Variants in TNFSF11 observed in about 807,000 individuals in gnomAD.
The protein encoded by TNFSF11 is TNF superfamily member 11, also known as tumor necrosis factor ligand superfamily member 11.
Under a neutral mutation model 32.2 loss-of-function variants are expected in TNFSF11, and 12 were observed. That is an observed-to-expected ratio of 0.37 (90% CI 0.24 to 0.60). The LOEUF is 0.60. Among genes scored for constraint, TNFSF11 ranks in the 20% least tolerant of loss-of-function variants. The probability of loss-of-function intolerance (pLI) is 0.66; values close to 1 mark genes in which losing one functional copy is unlikely to be tolerated. For missense variants in TNFSF11, 345 were observed against 398.0 expected, an observed-to-expected ratio of 0.87 and a Z score of 1.13; for synonymous variants, 172 against 152.1, an observed-to-expected ratio of 1.13 and a Z score of -0.96.
At chr13:42,588,642 C>T (rs1874016600) in intron 2 of TNFSF11, among the ~76,000 whole-genome samples, 1 of 152,074 alleles carries the variant, frequency 6.6e-6, no homozygotes, top group Non-Finnish European at 1.5e-5. Context: ...TTCCAAACCT[C>T]CTGGATCTTA....
chr13:42,602,722 A>T (rs2137908866), intron 4 of TNFSF11, among the ~76,000 whole-genome samples: 1 of 152,348 alleles, frequency 6.6e-6, no homozygotes, highest in South Asian at 2.1e-4. Flanking sequence ...CTGAGTGGAA[A>T]ACTATTTTGC....
chr13:42,565,721 T>A (rs1282506309), intron 1 of TNFSF11, among the ~76,000 whole-genome samples: 1 of 148,260 alleles, frequency 6.7e-6, no homozygotes, highest in Non-Finnish European at 1.5e-5. Context: ...GCCTGGACTT[T>A]ATCTTAAGTG....
intron 2 of TNFSF11, among the ~76,000 whole-genome samples, chr13:42,588,912 C>A (rs1156970499): frequency 6.6e-6 from 1 of 152,134 alleles, no homozygotes. Context: ...GATGACCAGA[C>A]AACAAATGCT....
intron 1 of TNFSF11, 23 bp downstream of exon 1, chr13:42,574,545 G>A (rs762342459): frequency 6.2e-7 from 1 of 1,600,160 alleles, no homozygotes; most frequent in African/African-American, 1.3e-5. Flanking sequence ...CTTCCCAGGG[G>A]ATCGCGGCTG....
chr13:42,607,426 C>G lies in TNFSF11; in HGVS notation c.*508C>G, dbSNP rs935103395. 1 of 153,108 alleles carries G rather than the reference C, an allele frequency of 6.5e-6. No homozygotes were observed. Among genetic ancestry groups the G allele is most frequent in the African/African-American group, 2.4e-5 (1 of 41,386 alleles). 9.5% of individuals were successfully genotyped at this position (153,108 alleles called of 1,614,324 possible). A position where few individuals can be genotyped will look rare whatever the true frequency, so the allele number is the denominator to read the frequency against. On this transcript the variant is annotated 3_prime_UTR_variant, in exon 5 of 5. Transcript: ENST00000398795. ...TATTTCAGATGTAATGTTTTCTTTGCAAAGTATTGTAAATTATATTTGTGC... is the reference window on the plus strand; with the variant it reads ...TATTTCAGATGTAATGTTTTCTTTGGAAAGTATTGTAAATTATATTTGTGC...
chr13:42,585,088 C>G (rs1398524399), intron 2 of TNFSF11, among the ~76,000 whole-genome samples: 1 of 152,222 alleles, frequency 6.6e-6, no homozygotes, highest in African/African-American at 2.4e-5. Context: ...TTCTCTTACT[C>G]TATTCAGATA....
chr13:42,598,673 A>G (rs894173606), intron 2 of TNFSF11, among the ~76,000 whole-genome samples: 1 of 152,234 alleles, frequency 6.6e-6, no homozygotes, highest in Non-Finnish European at 1.5e-5. Context: ...TAAGGGGCCC[A>G]ATGGCTGGGA....
rs769261349 is a variant in TNFSF11, at chr13:42,606,755, G to T, written c.791G>T (p.Trp264Leu). The change falls in exon 5 of 5, where the codon TGG (tryptophan) becomes TTG (leucine). Residue 264 changes from tryptophan (W) to leucine (L), a missense_variant. Transcript: ENST00000398795. ...TLMKGGSTKY[W>L]SGNSEFHFYS... ...ATGAAAGGAGGAAGCACCAAGTATT[G>T]GTCAGGGAATTCTGAATTCCATTTT... 7.4e-6 allele frequency: 12 copies of T among 1,614,126 alleles called. No homozygotes were observed. Among genetic ancestry groups the T allele is most frequent in the Non-Finnish European group, 1.0e-5 (12 of 1,180,014 alleles).
chr13:42,589,039 C>T (rs1274643174), intron 2 of TNFSF11, among the ~76,000 whole-genome samples: 4 of 152,274 alleles, frequency 2.6e-5, no homozygotes, highest in East Asian at 1.9e-4. Context: ...TAGGTAGCGG[C>T]GGCGGTGGTG....
intron 4 of TNFSF11, among the ~76,000 whole-genome samples, chr13:42,604,731 AACCAG>A (rs1446027102): frequency 4.6e-5 from 7 of 152,178 alleles, no homozygotes; most frequent in African/African-American, 1.7e-4. Flanking sequence ...AGGCCCACCA[AACCAG>A]ACTAGGCTGG....
chr13:42,574,498 C>T lies in TNFSF11; in HGVS notation c.195C>T (p.Ala65=). ...LGLGQVVCSV[A]LFFYFRAQMD... ...TGGGCCAGGTTGTCTGCAGCGTCGC[C>T]CTGTTCTTCTATTTCAGAGCGCAGG... is the stretch of plus-strand genomic sequence containing the variant. Residue 65 remains alanine, a synonymous_variant, in exon 1 of 5, where the codon GCC becomes GCT. Coordinates refer to ENST00000398795, the MANE Select transcript of TNFSF11 (RefSeq NM_003701.4). 1 of 1,609,098 alleles carries T rather than the reference C, an allele frequency of 6.2e-7. No individual in the cohort carries two copies.
intron 2 of TNFSF11, among the ~76,000 whole-genome samples, chr13:42,599,382 ATCTGTCTATCTC>A (rs1869036100): frequency 2.7e-5 from 4 of 150,748 alleles, no homozygotes; most frequent in Admixed American, 2.0e-4. Flanking sequence ...CTATCTATCT[ATCTGTCTATCTC>A]AAAGCCCTCC....
chr13:42,574,211 G>T lies in TNFSF11; in HGVS notation c.-93G>T. 6 of 1,503,454 alleles carry T rather than the reference G, an allele frequency of 4.0e-6. No individual in the cohort carries two copies. Among genetic ancestry groups the T allele is most frequent in the Non-Finnish European group, 5.4e-6 (6 of 1,111,424 alleles). 93.1% of individuals were successfully genotyped at this position (1,503,454 alleles called of 1,614,324 possible). A position where few individuals can be genotyped will look rare whatever the true frequency, so the allele number is the denominator to read the frequency against. ...GGGCTCCAAGTCGGCGCCCCACGTCGAGGCTCCGCCGCAGCCTCCGGAGTT... is the reference window on the plus strand; with the variant it reads ...GGGCTCCAAGTCGGCGCCCCACGTCTAGGCTCCGCCGCAGCCTCCGGAGTT... On this transcript the variant is annotated 5_prime_UTR_variant, in exon 1 of 5. Transcript: ENST00000398795.
chr13:42,575,030 G>T (rs1237972535), intron 1 of TNFSF11, among the ~76,000 whole-genome samples: 2 of 152,352 alleles, frequency 1.3e-5, no homozygotes, highest in East Asian at 3.9e-4. Flanking sequence ...GGTGCTGGAG[G>T]GCTGCGCGGA....
chr13:42,583,903 G>T lies in TNFSF11; in HGVS notation c.387+2610G>T, dbSNP rs149780556. On this transcript the variant is annotated intron_variant, in intron 2 of 4. Coordinates refer to ENST00000398795, the MANE Select transcript of TNFSF11 (RefSeq NM_003701.4). Reference sequence around the variant, plus strand: ...TGCATGTGATATAATTATATACTTAGGAAAATTCAAAAGAAGCTGAAATGC... The same window carrying T: ...TGCATGTGATATAATTATATACTTATGAAAATTCAAAAGAAGCTGAAATGC... Among the ~76,000 whole-genome samples the T allele has an allele frequency of 2.9e-3, 444 of 152,038 alleles. 3 individuals are homozygous for T. The highest frequency in any genetic ancestry group is 0.01 in the African/African-American group (428 of 41,482).
chr13:42,604,758 G>A (rs930089276), intron 4 of TNFSF11, among the ~76,000 whole-genome samples: 1 of 152,110 alleles, frequency 6.6e-6, no homozygotes, highest in Non-Finnish European at 1.5e-5. Flanking sequence ...AAGGTAACTA[G>A]TGTGTGTTTC....
chr13:42,589,980 G>T (rs980755529), intron 2 of TNFSF11, among the ~76,000 whole-genome samples: 1 of 152,200 alleles, frequency 6.6e-6, no homozygotes, highest in African/African-American at 2.4e-5. Flanking sequence ...GCCCACAGAT[G>T]CCCGCCCACC....
chr13:42,579,704 C>CTTTTTTTTTTT (rs59375842), intron 1 of TNFSF11, among the ~76,000 whole-genome samples: 23 of 65,502 alleles, frequency 3.5e-4, no homozygotes, highest in East Asian at 1.6e-3. Context: ...TAAGTAAGCC[C>CTTTTTTTTTTT]TTTTTTTTTT....
At chr13:42,586,359 C>T (rs1284436399) in intron 2 of TNFSF11, among the ~76,000 whole-genome samples, 1 of 152,212 alleles carries the variant, frequency 6.6e-6, no homozygotes, top group Non-Finnish European at 1.5e-5. Flanking sequence ...CATCAACGAA[C>T]TCATAAAGCC....
Sources: allele counts gnomAD v4.1 joint callset (sites outside exome capture counted in the v4.1 genomes callset), GRCh38; gene constraint gnomAD v4.1.1; transcripts MANE v1.5; gene names NCBI Gene and HGNC (gene_info 2026-07-23, HGNC 2026-07-21).